ZNF407: variants seen among roughly 807,000 people sequenced by gnomAD.
The protein encoded by ZNF407 is zinc finger protein 407.
In ZNF407, 17 loss-of-function variants were observed where a neutral mutation model predicts 131.2. That is an observed-to-expected ratio of 0.13 (90% CI 0.09 to 0.19). The LOEUF (loss-of-function observed/expected upper bound fraction) is 0.19, where lower values mean the gene tolerates loss of function less well. ZNF407 is among the 10% of genes least tolerant of loss of function. The probability of loss-of-function intolerance (pLI) is 1.00; values close to 1 mark genes in which losing one functional copy is unlikely to be tolerated. For missense variants in ZNF407, 2,681 were observed against 2,830.6 expected (o/e 0.95, Z 1.20); for synonymous variants, 1,156 against 1,062.0 (o/e 1.09, Z -1.72).
At chr18:74,995,749 G>A in intron 8 of ZNF407, among the ~76,000 whole-genome samples, 1 of 152,146 alleles carries the variant, frequency 6.6e-6, no homozygotes, top group Non-Finnish European at 1.5e-5. Flanking sequence ...GCTGTGCTCT[G>A]AGGCTACCAT....
At chr18:75,007,812 A>AACATGGGAAATCCT (rs1972929306) in intron 8 of ZNF407, among the ~76,000 whole-genome samples, 2 of 152,316 alleles carry the variant, frequency 1.3e-5, no homozygotes, top group South Asian at 4.1e-4. Context: ...ACACTACTGT[A>AACATGGGAAATCCT]ACATGGGAAA....
At chr18:74,642,022 G>GTT (rs11400647) in intron 3 of ZNF407, among the ~76,000 whole-genome samples, 382 of 149,412 alleles carry the variant, frequency 2.6e-3, no homozygotes, top group Admixed American at 5.2e-3. Context: ...ATTATATTAG[G>GTT]TTTTTTTTTT....
In ZNF407 at chr18:74,635,347, A is replaced by G; in HGVS notation, c.4328A>G (p.His1443Arg). 6.2e-7 allele frequency: 1 copy of G among 1,614,026 alleles called. No individual in the cohort carries two copies. Reference protein sequence around the residue: ...IAMKHPTKEKHFHCLLCGKSF... With the variant: ...IAMKHPTKEKRFHCLLCGKSF... ...ATGAAGCATCCTACAAAAGAGAAGCACTTCCATTGTTTACTCTGTGGAAAG... is the reference window on the plus strand; with the variant it reads ...ATGAAGCATCCTACAAAAGAGAAGCGCTTCCATTGTTTACTCTGTGGAAAG... Residue 1443 changes from histidine to arginine, a missense_variant, in exon 2 of 9, where the codon CAC becomes CGC. This residue lies in a region of ZNF407 where 1,789 missense variants were observed against 1,748.7 expected (regional missense o/e 1.02). Coordinates refer to ENST00000299687, the MANE Select transcript of ZNF407 (RefSeq NM_017757.3). The surrounding 1 kb of genome is among the most constrained non-coding windows in gnomAD (Gnocchi z 4.7).
At chr18:74,976,755 C>T (rs1239357452) in intron 8 of ZNF407, among the ~76,000 whole-genome samples, 3 of 152,242 alleles carry the variant, frequency 2.0e-5, no homozygotes, top group Non-Finnish European at 4.4e-5. Flanking sequence ...TGTGCTTTCA[C>T]GTGGAGCCTA....
In ZNF407 at chr18:75,063,323, A is replaced by T; in HGVS notation, c.5602A>T (p.Ile1868Phe). The T allele has an allele frequency of 6.2e-7, 1 of 1,613,544 alleles. No homozygotes were observed. Among genetic ancestry groups the T allele is most frequent in the East Asian group, 2.2e-5 (1 of 44,864 alleles). The change falls in exon 9 of 9, where the codon ATC becomes TTC. Residue 1868 changes from isoleucine to phenylalanine, a missense_variant. Physicochemically the swap from Ile to Phe is conservative, Grantham distance 21. Transcript: ENST00000299687. This position sits in a 1 kb window ranked among gnomAD's most constrained non-coding sequence, Gnocchi z 6.6. ...CCCTGAGCAGGTGCAGCAGGTCATC[A>T]TCTTCCAGGGCTACGACGGGGAGTT... ...PPPEQVQQVI[I>F]FQGYDGEFAL... is the part of the protein sequence containing the mutation.
intron 4 of ZNF407, among the ~76,000 whole-genome samples, chr18:74,783,427 T>C (rs1969645086): frequency 6.6e-6 from 1 of 152,174 alleles, no homozygotes; most frequent in African/African-American, 2.4e-5. Flanking sequence ...ATTGTTCATA[T>C]TGTTTCACAG....
chr18:74,979,236 A>T (rs756415515), intron 8 of ZNF407, among the ~76,000 whole-genome samples: 3 of 152,160 alleles, frequency 2.0e-5, no homozygotes, highest in Admixed American at 6.5e-5. Context: ...TGAGCTTGGC[A>T]GAGTACAGGC....
chr18:74,854,858 AT>A (rs1158224310), intron 4 of ZNF407, among the ~76,000 whole-genome samples: 1 of 151,772 alleles, frequency 6.6e-6, no homozygotes, highest in African/African-American at 2.4e-5. Flanking sequence ...CATCCTTTTC[AT>A]TTCCCCAGAG....
At chr18:74,630,841 T>C (rs553491544) in intron 1 of ZNF407, 126 bp from the exon 2 acceptor site, 2 of 618,734 alleles carry the variant, frequency 3.2e-6, no homozygotes, top group Non-Finnish European at 5.0e-6. Flanking sequence ...AGACATGTAA[T>C]CAAATTCATC....
At chr18:75,004,136 G>T (rs985421135) in intron 8 of ZNF407, among the ~76,000 whole-genome samples, 2 of 152,176 alleles carry the variant, frequency 1.3e-5, no homozygotes, top group African/African-American at 4.8e-5. Flanking sequence ...TGGTCTCACT[G>T]AGTCTTTCCT....
chr18:74,949,907 A>T lies in ZNF407; in HGVS notation c.5428+29215A>T, dbSNP rs78728880. On this transcript the variant is annotated intron_variant, in intron 8 of 8. Transcript: ENST00000299687. ...AGTCCCTCTTGGATTCAATTCAGAG[A>T]ATTAAAATGTTCAAGAAAAAACAAT... Among the ~76,000 whole-genome samples, 360 of 152,310 alleles carry T rather than the reference A, an allele frequency of 2.4e-3. 2 individuals carry two copies. Among genetic ancestry groups the T allele is most frequent in the Non-Finnish European group, 4.4e-3 (302 of 68,034 alleles).
intron 1 of ZNF407, among the ~76,000 whole-genome samples, chr18:74,612,575 G>T (rs1983110379): frequency 6.6e-6 from 1 of 152,136 alleles, no homozygotes; most frequent in Non-Finnish European, 1.5e-5. Context: ...TAAAGACTCA[G>T]GTGTAGAGAT....
intron 7 of ZNF407, among the ~76,000 whole-genome samples, chr18:74,917,461 A>T (rs1971788276): frequency 6.6e-6 from 1 of 152,180 alleles, no homozygotes; most frequent in Non-Finnish European, 1.5e-5. Context: ...CTCAAGTTCC[A>T]CACCACGTCT....
At chr18:74,629,477 T>A (rs1191984097) in intron 1 of ZNF407, among the ~76,000 whole-genome samples, 1 of 152,248 alleles carries the variant, frequency 6.6e-6, no homozygotes, top group Non-Finnish European at 1.5e-5. Context: ...AAAAATGTGT[T>A]CCCATTCTGT....
intron 8 of ZNF407, among the ~76,000 whole-genome samples, chr18:75,006,985 A>C (rs1363765214): frequency 6.6e-6 from 1 of 152,062 alleles, no homozygotes; most frequent in African/African-American, 2.4e-5. Context: ...GTTGCAGACT[A>C]CTAATTGCAC....
At chr18:74,599,308 C>T (rs1480684119) in intron 1 of ZNF407, among the ~76,000 whole-genome samples, 2 of 152,124 alleles carry the variant, frequency 1.3e-5, no homozygotes, top group African/African-American at 2.4e-5. Flanking sequence ...GCTACTGGTG[C>T]ATTTTTTTTT....
intron 3 of ZNF407, among the ~76,000 whole-genome samples, chr18:74,726,726 G>C (rs531242580): frequency 8.6e-4 from 131 of 152,236 alleles, no homozygotes; most frequent in Non-Finnish European, 1.3e-3. Flanking sequence ...ATGAATCATA[G>C]GTTACTAAAT....
intron 4 of ZNF407, among the ~76,000 whole-genome samples, chr18:74,834,413 G>A (rs1232407505): frequency 6.6e-6 from 1 of 152,106 alleles, no homozygotes; most frequent in African/African-American, 2.4e-5. Flanking sequence ...TTGGTACTTG[G>A]CCACTCTCCT....
At chr18:74,938,468 A>C (rs1972062938) in intron 8 of ZNF407, among the ~76,000 whole-genome samples, 1 of 152,182 alleles carries the variant, frequency 6.6e-6, no homozygotes, top group Non-Finnish European at 1.5e-5. Context: ...TCTCTTTGAC[A>C]CATAGTGTAC....
Sources: allele counts gnomAD v4.1 joint callset (sites outside exome capture counted in the v4.1 genomes callset), GRCh38; gene constraint gnomAD v4.1.1; regional missense constraint gnomAD v4.1.1; non-coding constraint Gnocchi (gnomAD v3.1); transcripts MANE v1.5; gene names NCBI Gene and HGNC (gene_info 2026-07-23, HGNC 2026-07-21).